The following SBF2 variants were observed in gnomAD, a reference collection of about 807,000 sequenced individuals.
SBF2 encodes SET binding factor 2.
SBF2 carries 112 observed loss-of-function variants against 225.2 expected under a neutral mutation model. The observed-to-expected ratio is 0.50, with a 90% CI of 0.43 to 0.58. The LOEUF is 0.58. SBF2 is among the 20% of genes least tolerant of loss of function. SBF2 has a pLI of 0.00. For synonymous variants in SBF2, 763 were observed against 773.3 expected (o/e 0.99, Z 0.22); for missense variants, 1,996 against 2,206.2 (o/e 0.90, Z 1.91).
intron 35 of SBF2, 73 bp from the exon 36 acceptor site, chr11:9,787,811 C>T: frequency 7.9e-7 from 1 of 1,267,554 alleles, no homozygotes; most frequent in Non-Finnish European, 1.1e-6. Context: ...CACACTGCTT[C>T]TGTACTAGGC....
chr11:9,832,441 G>C (rs1254617327), intron 26 of SBF2, 21 bp from the exon 27 acceptor site: 1 of 1,574,308 alleles, frequency 6.4e-7, no homozygotes, highest in Non-Finnish European at 8.7e-7. Context: ...ATAGAATAGA[G>C]AAGAGAATGA....
intron 16 of SBF2, among the ~76,000 whole-genome samples, chr11:9,926,022 T>C (rs1446622613): frequency 2.6e-5 from 4 of 152,224 alleles, no homozygotes; most frequent in Non-Finnish European, 4.4e-5. Context: ...CTTCAAAGGG[T>C]ATCAAAGTCA....
At chr11:9,829,897 T>C (rs916924684) in intron 27 of SBF2, among the ~76,000 whole-genome samples, 5 of 152,254 alleles carry the variant, frequency 3.3e-5, no homozygotes, top group African/African-American at 1.2e-4. Context: ...GACCAGGTTA[T>C]TGCTTGGGAG....
At chr11:10,236,383 G>A (rs1050568477) in intron 1 of SBF2, among the ~76,000 whole-genome samples, 3 of 152,110 alleles carry the variant, frequency 2.0e-5, no homozygotes, top group African/African-American at 7.2e-5. Flanking sequence ...GAACCACTTG[G>A]CTGCAGGAGT....
At chr11:10,112,354 T>C (rs553656524) in intron 2 of SBF2, among the ~76,000 whole-genome samples, 1 of 152,180 alleles carries the variant, frequency 6.6e-6, no homozygotes, top group East Asian at 1.9e-4. Flanking sequence ...ATTCTCGTGA[T>C]AGTGACTGAG....
intron 2 of SBF2, among the ~76,000 whole-genome samples, chr11:10,048,725 C>G (rs767096754): frequency 6.6e-6 from 1 of 152,046 alleles, no homozygotes; most frequent in African/African-American, 2.4e-5. Context: ...TATTATCATA[C>G]TATTAGTTAA....
intron 16 of SBF2, among the ~76,000 whole-genome samples, chr11:9,899,349 A>AC (rs1232986260): frequency 6.6e-6 from 1 of 150,614 alleles, no homozygotes. Context: ...AAAAAAAAAA[A>AC]AAAAACTGGC....
intron 3 of SBF2, among the ~76,000 whole-genome samples, chr11:10,038,283 C>T (rs997162604): frequency 3.6e-4 from 55 of 151,966 alleles, no homozygotes; most frequent in African/African-American, 1.3e-3. Flanking sequence ...AATGTTAAAA[C>T]CTATCAAATG....
chr11:9,802,973 G>GTATT (rs1853577159), intron 32 of SBF2, among the ~76,000 whole-genome samples: 1 of 152,048 alleles, frequency 6.6e-6, no homozygotes, highest in Non-Finnish European at 1.5e-5. Flanking sequence ...TATGTATGAG[G>GTATT]TATTAAGTGA....
chr11:10,093,382 G>GA (rs34568610), intron 2 of SBF2, among the ~76,000 whole-genome samples: 267 of 126,718 alleles, frequency 2.1e-3, no homozygotes, highest in East Asian at 6.8e-3. Flanking sequence ...TGGTCAGCTG[G>GA]AAAAAAAAAA....
chr11:9,848,596 G>A (rs1371391753), intron 22 of SBF2, among the ~76,000 whole-genome samples: 3 of 152,260 alleles, frequency 2.0e-5, no homozygotes, highest in Non-Finnish European at 4.4e-5. Context: ...CAATTTAAAT[G>A]ACCACATAAG....
At chr11:9,864,310 A>T in intron 17 of SBF2, among the ~76,000 whole-genome samples, 1 of 152,164 alleles carries the variant, frequency 6.6e-6, no homozygotes, top group South Asian at 2.1e-4. Flanking sequence ...CACGAGAGGT[A>T]TATTCATCCA....
At chr11:10,106,530 G>C (rs1463760015) in intron 2 of SBF2, among the ~76,000 whole-genome samples, 3 of 151,708 alleles carry the variant, frequency 2.0e-5, no homozygotes, top group African/African-American at 7.3e-5. Flanking sequence ...CGTATGCCTG[G>C]AGGCATGAGA....
At chr11:9,963,975 G>C in intron 14 of SBF2, 93 bp from the exon 15 acceptor site, 1 of 760,512 alleles carries the variant, frequency 1.3e-6, no homozygotes, top group South Asian at 1.5e-5. Flanking sequence ...TGTAGGTTGG[G>C]CGTGGAGGCT....
chr11:10,014,144 T>C (rs2134566811), intron 6 of SBF2, among the ~76,000 whole-genome samples: 1 of 152,296 alleles, frequency 6.6e-6, no homozygotes, highest in South Asian at 2.1e-4. Context: ...TGAGAAATGG[T>C]ATCAAAGACC....
At chr11:10,029,942 CT>C (rs1369328534) in intron 4 of SBF2, 67 bp from the exon 5 acceptor site, 1 of 1,056,140 alleles carries the variant, frequency 9.5e-7, no homozygotes, top group Non-Finnish European at 1.5e-6. Context: ...GTTATGACAT[CT>C]GCTCTAGGAC....
intron 17 of SBF2, among the ~76,000 whole-genome samples, chr11:9,881,426 G>A (rs1859750886): frequency 6.6e-6 from 1 of 152,068 alleles, no homozygotes. Flanking sequence ...GGAAGAACGA[G>A]TAACTGTTAA....
chr11:10,104,286 A>G (rs988175756), intron 2 of SBF2, among the ~76,000 whole-genome samples: 3 of 152,222 alleles, frequency 2.0e-5, no homozygotes, highest in African/African-American at 4.8e-5. Flanking sequence ...AACTGAGAAG[A>G]ATTTGAAAAC....
At chr11:9,972,516 T>C (rs191095179) in intron 13 of SBF2, among the ~76,000 whole-genome samples, 2 of 152,316 alleles carry the variant, frequency 1.3e-5, no homozygotes, top group Non-Finnish European at 2.9e-5. Context: ...AGTTTCACTT[T>C]GTTGTCCAGG....
Sources: allele counts gnomAD v4.1 joint callset (sites outside exome capture counted in the v4.1 genomes callset), GRCh38; gene constraint gnomAD v4.1.1; transcripts MANE v1.5; gene names NCBI Gene and HGNC (gene_info 2026-07-23, HGNC 2026-07-21).